MARS1: variants seen among roughly 807,000 people sequenced by gnomAD.
The protein encoded by MARS1 is methionine--tRNA ligase, cytoplasmic.
Under a neutral mutation model 119.5 loss-of-function variants are expected in MARS1, and 80 were observed. The ratio of observed to expected loss-of-function variants is 0.67; its 90% CI spans 0.56 to 0.81. MARS1 has a LOEUF of 0.81. MARS1 is among the 30% of genes least tolerant of loss of function. The probability of loss-of-function intolerance (pLI) is 0.00; values close to 1 mark genes in which losing one functional copy is unlikely to be tolerated. For missense variants in MARS1, 945 were observed against 1,116.5 expected (o/e 0.85, Z 2.19); for synonymous variants, 418 against 433.4 (o/e 0.96, Z 0.44).
chr12:57,506,618 G>C (rs1310706328), intron 11 of MARS1, among the ~76,000 whole-genome samples: 1 of 152,094 alleles, frequency 6.6e-6, no homozygotes, highest in Non-Finnish European at 1.5e-5. Context: ...TATTCAATTT[G>C]TTCACTGTGT....
At chr12:57,504,427 T>C (rs1170963915) in intron 11 of MARS1, 128 bp downstream of exon 11, 1 of 729,120 alleles carries the variant, frequency 1.4e-6, no homozygotes, top group Admixed American at 2.4e-5. Context: ...TACATACTAT[T>C]GTCAAGAGAT....
Position 57,490,319 on chromosome 12 carries a change from C to A in MARS1, c.603C>A (p.Tyr201Ter). The A allele has an allele frequency of 6.2e-7, 1 of 1,612,864 alleles. No individual in the cohort carries two copies. The highest frequency in any genetic ancestry group is 8.5e-7 in the Non-Finnish European group (1 of 1,180,026). Residue 201 changes from tyrosine to a stop codon, truncating the protein, a stop_gained, in exon 6 of 21, where the codon TAC (tyrosine) becomes TAA (stop). Transcript: ENST00000262027. LOFTEE classifies it high-confidence loss of function. Reference protein sequence around the residue: ...KQQGVLALRPYLQKQPQPSPA... With the variant: ...KQQGVLALRP Reference sequence around the variant, plus strand: ...AAGGTGTCCTGGCTCTCCGGCCTTACCTCCAAAAGCAGCCCCAGCCCAGCC... The same window carrying A: ...AAGGTGTCCTGGCTCTCCGGCCTTAACTCCAAAAGCAGCCCCAGCCCAGCC...
chr12:57,510,834 G>A (rs985505685), intron 11 of MARS1, among the ~76,000 whole-genome samples: 1 of 152,108 alleles, frequency 6.6e-6, no homozygotes, highest in Non-Finnish European at 1.5e-5. Context: ...CAACACTTTG[G>A]GAGGCTGAGG....
At chr12:57,513,962 T>C (rs11172245) in intron 15 of MARS1, among the ~76,000 whole-genome samples, 1,611 of 149,628 alleles carry the variant, frequency 0.011, 36 homozygotes, top group African/African-American at 0.038. Context: ...ACTCAAGAGG[T>C]TGAGGCAGGA....
rs138995913 is a variant in MARS1, at chr12:57,492,657, C to T, written c.770+2013C>T. Among the ~76,000 whole-genome samples, 191 of 143,980 alleles carry T rather than the reference C, an allele frequency of 1.3e-3. 4 individuals carry two copies. In the East Asian group the frequency reaches 0.028, roughly 21 times the overall value. 94.5% of individuals were successfully genotyped at this position (143,980 alleles called of 152,430 possible). A position where few individuals can be genotyped will look rare whatever the true frequency, so the allele number is the denominator to read the frequency against. On this transcript the variant is annotated intron_variant, in intron 7 of 20. Transcript: ENST00000262027. The stretch of plus-strand genomic sequence containing the variant: ...GTGTACTCCAGCCTGGGCAACAGAG[C>T]GCGACTCCATTTCACACACACACAC...
chr12:57,509,745 C>A (rs1240877634), intron 11 of MARS1, among the ~76,000 whole-genome samples: 1 of 152,102 alleles, frequency 6.6e-6, no homozygotes, highest in Non-Finnish European at 1.5e-5. Flanking sequence ...CTGACACCTG[C>A]AATTTCAGTC....
chr12:57,493,337 ATG>A (rs1235424154), intron 7 of MARS1, among the ~76,000 whole-genome samples: 2 of 101,668 alleles, frequency 2.0e-5, no homozygotes, highest in East Asian at 2.7e-4. Flanking sequence ...TATATAATAT[ATG>A]TTATATAATA....
intron 7 of MARS1, among the ~76,000 whole-genome samples, chr12:57,495,925 G>A (rs1876602909): frequency 6.6e-6 from 1 of 152,246 alleles, no homozygotes; most frequent in South Asian, 2.1e-4. Flanking sequence ...AGGCAGGGAG[G>A]TTGCAGTGAG....
At chr12:57,508,571 G>T (rs192828744) in intron 11 of MARS1, among the ~76,000 whole-genome samples, 1,982 of 152,380 alleles carry the variant, frequency 0.013, 18 homozygotes, top group Non-Finnish European at 0.019. Flanking sequence ...TGAGGCAGGA[G>T]AATCAGGCAG....
At chr12:57,503,343 C>T (rs1417306621) in intron 10 of MARS1, among the ~76,000 whole-genome samples, 1 of 151,358 alleles carries the variant, frequency 6.6e-6, no homozygotes, top group Non-Finnish European at 1.5e-5. Flanking sequence ...AAGTGATTCT[C>T]CTGCCTCAGC....
intron 1 of MARS1, chr12:57,488,577 C>T (rs1358528898): frequency 6.4e-7 from 1 of 1,550,900 alleles, no homozygotes; most frequent in Non-Finnish European, 8.7e-7. Flanking sequence ...CCCTCTCTCC[C>T]CTCCTAACAC....
At chr12:57,491,223 A>G (rs559790830) in intron 7 of MARS1, among the ~76,000 whole-genome samples, 2 of 151,812 alleles carry the variant, frequency 1.3e-5, no homozygotes, top group African/African-American at 2.4e-5. Flanking sequence ...AGCTAACTCT[A>G]TTTTTCCAGT....
At chr12:57,488,743 C>T in intron 1 of MARS1, 1 of 1,306,252 alleles carries the variant, frequency 7.7e-7, no homozygotes. Context: ...TACTTTCAGT[C>T]GTTAAGTTCT....
intron 10 of MARS1, among the ~76,000 whole-genome samples, chr12:57,503,523 G>A (rs1415164014): frequency 6.6e-6 from 1 of 151,454 alleles, no homozygotes; most frequent in African/African-American, 2.4e-5. Context: ...GTGAGCCACG[G>A]TGCTCAGCCA....
chr12:57,496,282 G>A (rs2140014503), intron 7 of MARS1, among the ~76,000 whole-genome samples: 1 of 151,204 alleles, frequency 6.6e-6, no homozygotes. Flanking sequence ...TCCTGTCTCA[G>A]CCCCCCGAGT....
chr12:57,514,840 T>C lies in MARS1; in HGVS notation c.2088T>C (p.Leu696=). The part of the protein sequence containing the change: ...TLELQHYHQL[L]EKVRIRDALR... ...AGCTCCAGCACTATCACCAGCTACT[T>C]GAGAAGGTTCGGTAAGTAACTGACA... The change falls in exon 16 of 21, where the codon CTT becomes CTC. Residue 696 remains leucine (L), a synonymous_variant. Coordinates refer to ENST00000262027, the MANE Select transcript of MARS1 (RefSeq NM_004990.4). 1.2e-6 allele frequency: 2 copies of C among 1,613,936 alleles called. No individual in the cohort carries two copies. The highest frequency in any genetic ancestry group is 1.3e-5 in the African/African-American group (1 of 75,018).
chr12:57,515,513 G>A, intron 18 of MARS1, 177 bp downstream of exon 18: 1 of 639,136 alleles, frequency 1.6e-6, no homozygotes, highest in Non-Finnish European at 2.7e-6. Context: ...CATCTTCATT[G>A]TTCTTCATGC....
intron 7 of MARS1, among the ~76,000 whole-genome samples, chr12:57,493,484 T>C (rs866977356): frequency 0.025 from 81 of 3,222 alleles, 25 homozygotes; most frequent in African/African-American, 0.11. Context: ...TAATATATAA[T>C]ATATAATATA....
rs530240241 is a variant in MARS1, at chr12:57,495,190, G to A, written c.771-2967G>A. The stretch of plus-strand genomic sequence containing the variant: ...GGGCGGGGGCTGCCCCCCACCTCCC[G>A]GATGGGGCGGCTGGCCAGGCGGGCG... On this transcript the variant is annotated intron_variant, in intron 7 of 20. Transcript: ENST00000262027. Among the ~76,000 whole-genome samples the A allele has an allele frequency of 1.9e-3, 282 of 150,682 alleles. 2 individuals carry two copies. The highest frequency in any genetic ancestry group is 6.4e-3 in the African/African-American group (263 of 41,036).
Sources: allele counts gnomAD v4.1 joint callset (sites outside exome capture counted in the v4.1 genomes callset), GRCh38; gene constraint gnomAD v4.1.1; transcripts MANE v1.5; gene names NCBI Gene and HGNC (gene_info 2026-07-23, HGNC 2026-07-21).